The following HMGB2 variants were observed in gnomAD, a reference collection of about 807,000 sequenced individuals.
HMGB2 encodes the protein high mobility group protein B2.
In HMGB2, 2 loss-of-function variants were observed where a neutral mutation model predicts 23.0. That is an observed-to-expected ratio of 0.09 (90% CI 0.04 to 0.27). The LOEUF (loss-of-function observed/expected upper bound fraction) is 0.27. HMGB2 is among the 10% of genes least tolerant of loss of function. HMGB2 has a pLI of 1.00. For missense variants in HMGB2, 178 were observed against 256.5 expected (o/e 0.69, Z 2.09); for synonymous variants, 99 against 87.5 (o/e 1.13, Z -0.73).
chr4:173,332,777 T>G, intron 4 of HMGB2, 44 bp downstream of exon 4: 1 of 1,541,712 alleles, frequency 6.5e-7, no homozygotes, highest in African/African-American at 1.4e-5. Flanking sequence ...AGTTATTACC[T>G]ATACCTAGTC....
intron 4 of HMGB2, chr4:173,332,584 T>C (rs1738130764): frequency 1.9e-6 from 1 of 523,550 alleles, no homozygotes; most frequent in Non-Finnish European, 3.4e-6. Context: ...ATACAGACTA[T>C]ACAATAACTA....
rs181659245 is a variant in HMGB2 at position 173,333,831 on chromosome 4, G to T, written c.-20-162C>A. 0.013 allele frequency among the ~76,000 whole-genome samples: 1,873 copies of T among 142,288 alleles called. 47 individuals carry two copies. Among genetic ancestry groups the T allele is most frequent in the African/African-American group, 0.046 (1,787 of 38,758 alleles). 93.3% of individuals were successfully genotyped at this position (142,288 alleles called of 152,430 possible). On this transcript the variant is annotated intron_variant, in intron 1 of 4. Transcript: ENST00000296503. This position sits in a 1 kb window ranked among gnomAD's most constrained non-coding sequence, Gnocchi z 4.6. ...CGTCCTCCCAAGGGCGGCCGCCCGCGCCCCCGCCCGCGCCCCGGCGCACAC... is the reference window on the plus strand; with the variant it reads ...CGTCCTCCCAAGGGCGGCCGCCCGCTCCCCCGCCCGCGCCCCGGCGCACAC...
chr4:173,332,338 A>G (rs1738123498), intron 4 of HMGB2, 100 bp from the exon 5 acceptor site: 3 of 882,334 alleles, frequency 3.4e-6, no homozygotes, highest in Non-Finnish European at 5.2e-6. Context: ...AATAACCCTA[A>G]TAACTGTCTA....
In HMGB2 at chr4:173,333,152, A is replaced by G; in HGVS notation, c.213T>C (p.Tyr71=). The G allele has an allele frequency of 1.9e-6, 3 of 1,614,098 alleles. No homozygotes were observed. The highest frequency in any genetic ancestry group is 2.2e-5 in the South Asian group (2 of 91,088). The stretch of plus-strand genomic sequence containing the variant: ...GAACGTAATTTTTCATCTCCCTGTC[A>G]TAGCGAGCTTTGTCACTTTTTGCCA... ...EDMAKSDKAR[Y]DREMKNYVPP... is the part of the protein sequence containing the mutation. The change falls in exon 3 of 5, where the codon TAT becomes TAC. Residue 71 remains tyrosine, a synonymous_variant. Coordinates refer to ENST00000296503, the MANE Select transcript of HMGB2 (RefSeq NM_002129.4). The surrounding 1 kb of genome is among the most constrained non-coding windows in gnomAD (Gnocchi z 4.6).
At position 173,332,302 on chromosome 4, in the gene HMGB2, T is replaced by G. The variant is rs1287927999; in HGVS notation, c.472-64A>C. On this transcript the variant is annotated intron_variant, in intron 4 of 4. Coordinates refer to ENST00000296503, the MANE Select transcript of HMGB2 (RefSeq NM_002129.4). ...TACTCAACTGTGAAAAACCACTTAG[T>G]TGTAAACAATCTAAGATGATTGACC... 1.0e-4 allele frequency: 127 copies of G among 1,240,544 alleles called. 1 individual carries two copies. The highest frequency in any genetic ancestry group is 9.0e-6 in the Non-Finnish European group (8 of 885,584). 76.8% of individuals were successfully genotyped at this position (1,240,544 alleles called of 1,614,324 possible).
At chr4:173,332,736 C>T in intron 4 of HMGB2, 85 bp downstream of exon 4, 1 of 1,204,550 alleles carries the variant, frequency 8.3e-7, no homozygotes, top group South Asian at 1.4e-5. Flanking sequence ...ACCATTAATA[C>T]AAGATTAACT....
rs773516615 is a variant in HMGB2, at chr4:173,332,905, C to T, written c.387G>A (p.Leu129=). The change falls in exon 4 of 5, where the codon TTG becomes TTA. Residue 129 remains leucine (L), a synonymous_variant. Coordinates refer to ENST00000296503, the MANE Select transcript of HMGB2 (RefSeq NM_002129.4). ...GLSIGDTAKK[L]GEMWSEQSAK... is the part of the protein sequence containing the mutation. Reference sequence around the variant, plus strand: ...CTGACTGCTCAGACCACATTTCACCCAATTTCTTTGCAGTATCCCCAATGG... The same window carrying T: ...CTGACTGCTCAGACCACATTTCACCTAATTTCTTTGCAGTATCCCCAATGG... The T allele has an allele frequency of 4.3e-6, 7 of 1,614,054 alleles. No homozygotes were observed. In the Admixed American group the frequency reaches 1.2e-4, roughly 27 times the overall value.
At position 173,332,107 on chromosome 4, in the gene HMGB2, CTCA is replaced by C; in HGVS notation, c.600_602del (p.Asp200del). 1 of 1,611,468 alleles carries C rather than the reference CTCA, an allele frequency of 6.2e-7. No homozygotes were observed. Among genetic ancestry groups the C allele is most frequent in the East Asian group, 2.2e-5 (1 of 44,832 alleles). ...ATTCTTCATCTTCATCCTCTTCCTC[CTCA>C]TCTTCATCTTCTTCTTCCTCCTCCT... On this transcript the variant is annotated inframe_deletion, in exon 5 of 5. Coordinates refer to ENST00000296503, the MANE Select transcript of HMGB2 (RefSeq NM_002129.4).
At chr4:173,332,325 A>G in intron 4 of HMGB2, 87 bp from the exon 5 acceptor site, 1 of 1,008,374 alleles carries the variant, frequency 9.9e-7, no homozygotes, top group African/African-American at 1.6e-5. Flanking sequence ...AAGATGATTG[A>G]CCAATAACCC....
rs778851589 is a variant in HMGB2, at chr4:173,332,251, C to CA, written c.472-14dup. The CA allele has an allele frequency of 1.6e-5, 25 of 1,543,406 alleles. No homozygotes were observed. The highest frequency in any genetic ancestry group is 4.2e-5 in the African/African-American group (3 of 71,810). ...ATGCAGCAATATCCTGAAATATTGT[C>CA]AAAAAAATAAAGCATCCGGTATCAT... On this transcript the variant is annotated splice_polypyrimidine_tract_variant and intron_variant, in intron 4 of 4. Coordinates refer to ENST00000296503, the MANE Select transcript of HMGB2 (RefSeq NM_002129.4).
In HMGB2 at chr4:173,333,842, C is replaced by A. The variant is rs1738175699; in HGVS notation, c.-20-173G>T. Among the ~76,000 whole-genome samples, 1 of 151,526 alleles carries A rather than the reference C, an allele frequency of 6.6e-6. No homozygotes were observed. Among genetic ancestry groups the A allele is most frequent in the African/African-American group, 2.4e-5 (1 of 41,254 alleles). ...GGGCGGCCGCCCGCGCCCCCGCCCGCGCCCCGGCGCACACCCTCCTCCTCC... is the reference window on the plus strand; with the variant it reads ...GGGCGGCCGCCCGCGCCCCCGCCCGAGCCCCGGCGCACACCCTCCTCCTCC... On this transcript the variant is annotated intron_variant, in intron 1 of 4. Transcript: ENST00000296503. This position sits in a 1 kb window ranked among gnomAD's most constrained non-coding sequence, Gnocchi z 4.6.
Position 173,331,968 on chromosome 4 carries a change from TAC to T in HMGB2, c.*110_*111del, listed in dbSNP as rs1443873638. 100 of 1,457,208 alleles carry T rather than the reference TAC, an allele frequency of 6.9e-5. No individual in the cohort carries two copies. The highest frequency in any genetic ancestry group is 1.4e-4 in the African/African-American group (10 of 69,402). The allele number at this position is 1,457,208 out of a possible 1,614,324, so 90.3% of individuals were successfully genotyped here. On this transcript the variant is annotated 3_prime_UTR_variant, in exon 5 of 5. Transcript: ENST00000296503. The stretch of plus-strand genomic sequence containing the variant: ...ATCTTATCAGCTATACAAAAATCTG[TAC>T]AGTTTTTATACTGAAGCTAGTATTG...
At chr4:173,332,318 A>G in intron 4 of HMGB2, 80 bp from the exon 5 acceptor site, 3 of 1,080,320 alleles carry the variant, frequency 2.8e-6, no homozygotes, top group Non-Finnish European at 4.0e-6. Flanking sequence ...ACAATCTAAG[A>G]TGATTGACCA....
intron 4 of HMGB2, chr4:173,332,540 T>G (rs564874503): frequency 2.0e-4 from 93 of 473,850 alleles, no homozygotes; most frequent in African/African-American, 1.7e-3. Context: ...AACAATTTCT[T>G]TGACTCTCTG....
At position 173,333,181 on chromosome 4, in the gene HMGB2, C is replaced by A; in HGVS notation, c.184G>T (p.Asp62Tyr). ...CGAGCTTTGTCACTTTTTGCCATAT[C>A]TTCAAACTTCGACTTCTCCTTTGCA... ...MSAKEKSKFE[D>Y]MAKSDKARYD... The change falls in exon 3 of 5, where the codon GAT becomes TAT. Residue 62 changes from aspartate to tyrosine, a missense_variant. Physicochemically the swap from Asp to Tyr is radical, Grantham distance 160. Around this residue, in one of 3 missense-constraint regions of HMGB2, gnomAD observed 90 missense variants for 114.4 expected, o/e 0.79. Transcript: ENST00000296503. The surrounding 1 kb of genome is among the most constrained non-coding windows in gnomAD (Gnocchi z 4.6). 1 of 1,614,054 alleles carries A rather than the reference C, an allele frequency of 6.2e-7. No individual in the cohort carries two copies. Among genetic ancestry groups the A allele is most frequent in the South Asian group, 1.1e-5 (1 of 91,076 alleles).
chr4:173,332,506 C>G lies in HMGB2; in HGVS notation c.472-268G>C, dbSNP rs945254125. ...AGTGCCATAGTCCCTCCTGTACCTT[C>G]ACATTTTATATATATCTACATAAAA... On this transcript the variant is annotated intron_variant, in intron 4 of 4. Transcript: ENST00000296503. 6.3e-6 allele frequency: 3 copies of G among 479,058 alleles called. No individual in the cohort carries two copies. In the East Asian group the frequency reaches 1.0e-4, roughly 16 times the overall value. 29.7% of individuals were successfully genotyped at this position (479,058 alleles called of 1,614,324 possible).
intron 4 of HMGB2, 147 bp downstream of exon 4, chr4:173,332,670 TTACC>T (rs1418198951): frequency 1.4e-6 from 1 of 701,178 alleles, no homozygotes; most frequent in African/African-American, 1.8e-5. Flanking sequence ...AAGGTTTCAA[TTACC>T]TTGTGTTGAA....
Position 173,333,300 on chromosome 4 carries a change from C to T in HMGB2, c.151-86G>A. 7 of 1,461,788 alleles carry T rather than the reference C, an allele frequency of 4.8e-6. No individual in the cohort carries two copies. The highest frequency in any genetic ancestry group is 5.6e-6 in the Non-Finnish European group (6 of 1,077,534). 90.6% of individuals were successfully genotyped at this position (1,461,788 alleles called of 1,614,324 possible). On this transcript the variant is annotated intron_variant, in intron 2 of 4. Transcript: ENST00000296503. This position sits in a 1 kb window ranked among gnomAD's most constrained non-coding sequence, Gnocchi z 4.6. The stretch of plus-strand genomic sequence containing the variant: ...ACGACAAGATCATCTTTAAGGACCA[C>T]ATTTTCCTTAACAGCATTTTGCTTT...
In HMGB2 at chr4:173,333,298, C is replaced by G; in HGVS notation, c.151-84G>C. On this transcript the variant is annotated intron_variant, in intron 2 of 4. Coordinates refer to ENST00000296503, the MANE Select transcript of HMGB2 (RefSeq NM_002129.4). This position sits in a 1 kb window ranked among gnomAD's most constrained non-coding sequence, Gnocchi z 4.6. ...AGACGACAAGATCATCTTTAAGGACCACATTTTCCTTAACAGCATTTTGCT... is the reference window on the plus strand; with the variant it reads ...AGACGACAAGATCATCTTTAAGGACGACATTTTCCTTAACAGCATTTTGCT... 5 of 1,466,892 alleles carry G rather than the reference C, an allele frequency of 3.4e-6. No homozygotes were observed. Among genetic ancestry groups the G allele is most frequent in the Non-Finnish European group, 4.6e-6 (5 of 1,081,672 alleles). The allele number at this position is 1,466,892 out of a possible 1,614,324, so 90.9% of individuals were successfully genotyped here.
Sources: gnomAD v4.1 joint callset for allele counts (sites outside exome capture counted in the v4.1 genomes callset) on GRCh38, gnomAD v4.1.1 for gene constraint, gnomAD v4.1.1 regional missense constraint, Gnocchi (gnomAD v3.1) non-coding constraint, MANE v1.5 for transcripts, NCBI Gene and HGNC (gene_info 2026-07-23, HGNC 2026-07-21) for gene names.